GKAP1: variants seen among roughly 807,000 people sequenced by gnomAD.
GKAP1 encodes G kinase-anchoring protein 1.
Under a neutral mutation model 56.7 loss-of-function variants are expected in GKAP1, and 31 were observed. That is an observed-to-expected ratio of 0.55 (90% CI 0.41 to 0.74). GKAP1 has a LOEUF of 0.74. GKAP1 is among the 30% of genes least tolerant of loss of function. The probability of loss-of-function intolerance (pLI) is 0.00; values close to 1 mark genes in which losing one functional copy is unlikely to be tolerated. For missense variants in GKAP1, 364 were observed against 402.3 expected (o/e 0.90, Z 0.82); for synonymous variants, 151 against 138.6 (o/e 1.09, Z -0.63).
chr9:83,803,523 G>A (rs188954537), intron 3 of GKAP1, among the ~76,000 whole-genome samples: 13 of 152,342 alleles, frequency 8.5e-5, no homozygotes, highest in African/African-American at 2.4e-4. Flanking sequence ...CCGAGGTGCC[G>A]GGATTGCAGA....
chr9:83,757,501 G>T (rs1348955604), intron 8 of GKAP1, among the ~76,000 whole-genome samples: 1 of 151,920 alleles, frequency 6.6e-6, no homozygotes, highest in Non-Finnish European at 1.5e-5. Flanking sequence ...CTGATTTTAG[G>T]GCCTATTGAA....
chr9:83,767,059 C>T (rs1216971487), intron 8 of GKAP1, among the ~76,000 whole-genome samples: 2 of 152,030 alleles, frequency 1.3e-5, no homozygotes, highest in African/African-American at 2.4e-5. Flanking sequence ...ATAGTTAAGA[C>T]GAAGTAAGAG....
intron 3 of GKAP1, among the ~76,000 whole-genome samples, chr9:83,800,831 T>A (rs1349846822): frequency 6.6e-6 from 1 of 152,254 alleles, no homozygotes; most frequent in Admixed American, 6.5e-5. Context: ...CAGCTGTTTC[T>A]GTACCTCACT....
chr9:83,794,931 G>C (rs1367601495), intron 4 of GKAP1, among the ~76,000 whole-genome samples: 2 of 151,926 alleles, frequency 1.3e-5, no homozygotes, highest in Admixed American at 1.3e-4. Flanking sequence ...GGGGAGGGGA[G>C]GATCATCTGA....
intron 4 of GKAP1, chr9:83,792,930 A>G (rs1944186106): frequency 2.0e-6 from 2 of 1,005,924 alleles, no homozygotes; most frequent in Non-Finnish European, 2.5e-6. Context: ...AAATGCCTAC[A>G]GAATTCAAGA....
At chr9:83,750,315 GCATA>G (rs770117547) in intron 9 of GKAP1, among the ~76,000 whole-genome samples, 4 of 151,982 alleles carry the variant, frequency 2.6e-5, no homozygotes, top group African/African-American at 9.7e-5. Flanking sequence ...ATGACAGACA[GCATA>G]CAAAGTTGAT....
intron 7 of GKAP1, among the ~76,000 whole-genome samples, chr9:83,769,650 C>G (rs1471701574): frequency 6.6e-6 from 1 of 152,166 alleles, no homozygotes; most frequent in Non-Finnish European, 1.5e-5. Context: ...GTTGTTGCTA[C>G]TTTTTGGCTA....
chr9:83,742,570 A>G lies in GKAP1; in HGVS notation c.935T>C (p.Val312Ala). ...MKDKAEILLQ[V>A]DESQSIKNEL... ...ATTCTTGATACTTTGTGATTCATCAACTTGCAGAAGTATTTCTGCCTTATC... is the reference window on the plus strand; with the variant it reads ...ATTCTTGATACTTTGTGATTCATCAGCTTGCAGAAGTATTTCTGCCTTATC... The change falls in exon 11 of 13, where the codon GTT becomes GCT. Residue 312 changes from valine to alanine, a missense_variant. By Grantham distance (64) the Val-to-Ala change is moderately conservative (BLOSUM62 0). Transcript: ENST00000376371. 6.2e-7 allele frequency: 1 copy of G among 1,612,684 alleles called. No homozygotes were observed. The highest frequency in any genetic ancestry group is 1.1e-5 in the South Asian group (1 of 91,004).
intron 8 of GKAP1, among the ~76,000 whole-genome samples, chr9:83,763,303 TG>T (rs1473638653): frequency 7.9e-5 from 12 of 151,940 alleles, no homozygotes; most frequent in African/African-American, 2.9e-4. Context: ...AGTGAGGGAG[TG>T]GGCAGGTGGT....
chr9:83,786,667 CTT>C (rs1587724131), intron 5 of GKAP1, among the ~76,000 whole-genome samples: 1 of 152,142 alleles, frequency 6.6e-6, no homozygotes, highest in Non-Finnish European at 1.5e-5. Flanking sequence ...TGAATATTGA[CTT>C]TTATCTCAAT....
chr9:83,782,815 C>T (rs1293588018), intron 6 of GKAP1, among the ~76,000 whole-genome samples: 4 of 151,108 alleles, frequency 2.6e-5, no homozygotes, highest in Admixed American at 6.6e-5. Context: ...TACAGGCACA[C>T]GCCACCACAC....
intron 8 of GKAP1, among the ~76,000 whole-genome samples, chr9:83,766,136 G>A (rs1441535152): frequency 6.6e-6 from 1 of 152,122 alleles, no homozygotes; most frequent in Non-Finnish European, 1.5e-5. Flanking sequence ...GTGATAGTGA[G>A]TGAATACTCA....
intron 2 of GKAP1, among the ~76,000 whole-genome samples, chr9:83,815,570 G>GAA (rs1476772571): frequency 6.1e-5 from 9 of 146,406 alleles, no homozygotes; most frequent in African/African-American, 1.8e-4. Flanking sequence ...GGGAACTTCA[G>GAA]AAAACACACA....
chr9:83,777,566 T>C (rs1455090522), intron 7 of GKAP1, among the ~76,000 whole-genome samples: 2 of 152,084 alleles, frequency 1.3e-5, no homozygotes, highest in East Asian at 1.9e-4. Context: ...AGAATATATA[T>C]GCAGTTCAAG....
intron 9 of GKAP1, among the ~76,000 whole-genome samples, chr9:83,749,951 T>C (rs1943360214): frequency 6.6e-6 from 1 of 152,178 alleles, no homozygotes; most frequent in Admixed American, 6.5e-5. Context: ...CAACTACAAC[T>C]ATATTCGCTA....
chr9:83,788,108 T>C (rs977141863), intron 5 of GKAP1, among the ~76,000 whole-genome samples: 23 of 152,088 alleles, frequency 1.5e-4, no homozygotes, highest in Admixed American at 3.3e-4. Flanking sequence ...CGAAATCCCA[T>C]CTCTACTAAA....
intron 2 of GKAP1, among the ~76,000 whole-genome samples, chr9:83,813,582 G>C (rs527428118): frequency 0.017 from 2,573 of 152,216 alleles, 66 homozygotes; most frequent in African/African-American, 0.059. Context: ...TAGCAAAACC[G>C]TATCTCATAA....
chr9:83,779,059 A>G, intron 7 of GKAP1, among the ~76,000 whole-genome samples: 1 of 152,060 alleles, frequency 6.6e-6, no homozygotes. Context: ...AGGAGCAGGT[A>G]CACCATGTGT....
chr9:83,803,527 T>C (rs1403055717), intron 3 of GKAP1, among the ~76,000 whole-genome samples: 2 of 152,236 alleles, frequency 1.3e-5, no homozygotes, highest in Non-Finnish European at 2.9e-5. Context: ...GGTGCCGGGA[T>C]TGCAGACGGA....
Sources: gnomAD v4.1 joint callset for allele counts (sites outside exome capture counted in the v4.1 genomes callset) on GRCh38, gnomAD v4.1.1 for gene constraint, MANE v1.5 for transcripts, NCBI Gene and HGNC (gene_info 2026-07-23, HGNC 2026-07-21) for gene names.